Variants in PREX2 observed in about 807,000 individuals in gnomAD.
PREX2 encodes phosphatidylinositol-3,4,5-trisphosphate dependent Rac exchange factor 2, also known as phosphatidylinositol 3,4,5-trisphosphate-dependent Rac exchanger 2 protein.
Under a neutral mutation model 203.2 loss-of-function variants are expected in PREX2, and 107 were observed. That is an observed-to-expected ratio of 0.53 (90% confidence interval 0.45 to 0.62). The LOEUF (loss-of-function observed/expected upper bound fraction) is 0.62. Among genes scored for constraint, PREX2 ranks in the 20% least tolerant of loss-of-function variants. The pLI is 0.00. For synonymous variants in PREX2, 672 were observed against 663.6 expected (o/e 1.01, Z -0.19); for missense variants, 1,777 against 1,955.9 (o/e 0.91, Z 1.72).
intron 23 of PREX2, among the ~76,000 whole-genome samples, chr8:68,100,969 C>T (rs1362161088): frequency 6.6e-6 from 1 of 151,944 alleles, no homozygotes; most frequent in African/African-American, 2.4e-5. Flanking sequence ...AATTTGGGGA[C>T]GTATTTTAAA....
rs185102706 is a variant in PREX2, at chr8:68,018,844, A to G, written c.214-705A>G. Among the ~76,000 whole-genome samples, 75 of 152,352 alleles carry G rather than the reference A, an allele frequency of 4.9e-4. 1 individual carries two copies. The highest frequency in any genetic ancestry group is 6.8e-3 in the Middle Eastern group (2 of 294). ...TACTGTTTTATTTTGCTGGAAATAT[A>G]AAACATTCTAAGGATTTTTAAAGGT... On this transcript the variant is annotated intron_variant, in intron 2 of 39. Transcript: ENST00000288368.
At chr8:68,008,305 G>A (rs1436001973) in intron 1 of PREX2, among the ~76,000 whole-genome samples, 1 of 152,112 alleles carries the variant, frequency 6.6e-6, no homozygotes, top group African/African-American at 2.4e-5. Flanking sequence ...AGCACTAACC[G>A]TTTTAGTTAC....
At chr8:68,155,588 A>G (rs1485868169) in intron 34 of PREX2, among the ~76,000 whole-genome samples, 1 of 152,198 alleles carries the variant, frequency 6.6e-6, no homozygotes, top group East Asian at 1.9e-4. Flanking sequence ...TAGTTTAGAA[A>G]CTAGTGCATT....
chr8:68,196,733 C>G (rs202069022), intron 37 of PREX2, among the ~76,000 whole-genome samples: 2,480 of 150,784 alleles, frequency 0.016, 92 homozygotes, highest in East Asian at 0.13. Context: ...CTCCCCCCCC[C>G]AACTCTCTCT....
intron 23 of PREX2, among the ~76,000 whole-genome samples, chr8:68,102,416 T>C (rs1810290472): frequency 6.6e-6 from 1 of 152,206 alleles, no homozygotes; most frequent in South Asian, 2.1e-4. Flanking sequence ...TCTCATTAGA[T>C]AGAGAAGCAA....
At chr8:68,074,670 GTTTT>G (rs1298971442) in intron 14 of PREX2, among the ~76,000 whole-genome samples, 2 of 105,466 alleles carry the variant, frequency 1.9e-5, no homozygotes, top group East Asian at 5.2e-4. Context: ...TGAAGAAGAG[GTTTT>G]TGTTTGTTTG....
chr8:68,139,638 C>T (rs1192374166), intron 33 of PREX2, among the ~76,000 whole-genome samples: 2 of 152,138 alleles, frequency 1.3e-5, no homozygotes, highest in Non-Finnish European at 2.9e-5. Context: ...AGCTACCTCT[C>T]CCAGGTGGGA....
chr8:68,193,088 C>A (rs1196776978), intron 37 of PREX2, among the ~76,000 whole-genome samples: 1 of 152,178 alleles, frequency 6.6e-6, no homozygotes, highest in African/African-American at 2.4e-5. Context: ...CTGTCTGAGG[C>A]AGCCAAGATG....
chr8:68,145,333 A>C (rs1190543101), intron 33 of PREX2, among the ~76,000 whole-genome samples: 1 of 152,168 alleles, frequency 6.6e-6, no homozygotes, highest in Non-Finnish European at 1.5e-5. Context: ...TTAAATAGAT[A>C]GATTTAATAA....
intron 1 of PREX2, among the ~76,000 whole-genome samples, chr8:68,014,986 C>T (rs1330507596): frequency 6.6e-6 from 1 of 152,150 alleles, no homozygotes; most frequent in Non-Finnish European, 1.5e-5. Flanking sequence ...CTATTTTCCA[C>T]TGCTTGATTT....
intron 6 of PREX2, among the ~76,000 whole-genome samples, chr8:68,033,993 A>G (rs1297832970): frequency 1.3e-5 from 2 of 152,156 alleles, no homozygotes; most frequent in Non-Finnish European, 2.9e-5. Flanking sequence ...TAAAGCTTAT[A>G]TTCCTTACTA....
chr8:68,010,646 A>G (rs1585702992), intron 1 of PREX2, among the ~76,000 whole-genome samples: 1 of 152,184 alleles, frequency 6.6e-6, no homozygotes. Context: ...AACCTGATTT[A>G]ATGGGTGAGG....
intron 34 of PREX2, among the ~76,000 whole-genome samples, chr8:68,146,949 G>A (rs1811339802): frequency 6.6e-6 from 1 of 152,058 alleles, no homozygotes; most frequent in South Asian, 2.1e-4. Context: ...GAAAATTCTT[G>A]TAGTGAGCTC....
chr8:68,108,926 T>C, intron 24 of PREX2: 1 of 326,830 alleles, frequency 3.1e-6, no homozygotes, highest in Non-Finnish European at 6.0e-6. Context: ...GATATTATGT[T>C]AAAGTGAAAT....
intron 37 of PREX2, among the ~76,000 whole-genome samples, chr8:68,214,726 C>T (rs1812800601): frequency 6.6e-6 from 1 of 152,102 alleles, no homozygotes; most frequent in Non-Finnish European, 1.5e-5. Flanking sequence ...AGAAAAGTGG[C>T]AGCATTCCTG....
intron 1 of PREX2, among the ~76,000 whole-genome samples, chr8:67,972,439 A>G (rs1805951338): frequency 6.6e-6 from 1 of 152,226 alleles, no homozygotes; most frequent in Non-Finnish European, 1.5e-5. Flanking sequence ...CCCTGACTAC[A>G]TCGTTGTATT....
rs1335348903 is a variant in PREX2 at position 68,127,359 on chromosome 8, G to A, written c.3725-19G>A. 4.4e-6 allele frequency: 7 copies of A among 1,578,436 alleles called. No homozygotes were observed. Among genetic ancestry groups the A allele is most frequent in the Non-Finnish European group, 6.1e-6 (7 of 1,152,258 alleles). On this transcript the variant is annotated intron_variant, in intron 30 of 39. Coordinates refer to ENST00000288368, the MANE Select transcript of PREX2 (RefSeq NM_024870.4). The stretch of plus-strand genomic sequence containing the variant: ...CAGAAAGAGTGAACAATTAACTGAT[G>A]TGTTTTCTTTCTCTGCAGAGGTAAA...
intron 1 of PREX2, among the ~76,000 whole-genome samples, chr8:67,986,345 G>A (rs1806423355): frequency 1.8e-5 from 1 of 55,924 alleles, no homozygotes; most frequent in East Asian, 1.3e-3. Flanking sequence ...GATTTGAACT[G>A]AAGAAGTCTT....
intron 31 of PREX2, 105 bp downstream of exon 31, chr8:68,127,524 G>A: frequency 1.4e-6 from 1 of 728,106 alleles, no homozygotes; most frequent in Non-Finnish European, 2.4e-6. Context: ...TTACAAAATA[G>A]AAATATGATC....
Sources: gnomAD v4.1 joint callset for allele counts (sites outside exome capture counted in the v4.1 genomes callset) on GRCh38, gnomAD v4.1.1 for gene constraint, MANE v1.5 for transcripts, NCBI Gene and HGNC (gene_info 2026-07-23, HGNC 2026-07-21) for gene names.